Variants in RALGAPA2 observed in about 807,000 individuals in gnomAD.
The protein encoded by RALGAPA2 is Ral GTPase activating protein catalytic subunit alpha 2.
In RALGAPA2, 139 loss-of-function variants were observed where a neutral mutation model predicts 230.4. The observed-to-expected ratio is 0.60, with a 90% CI of 0.53 to 0.69. RALGAPA2 has a LOEUF of 0.69. RALGAPA2 is among the 30% of genes least tolerant of loss of function. The pLI, the probability that RALGAPA2 is intolerant of heterozygous loss-of-function variation, is 0.00. For synonymous variants in RALGAPA2, 847 were observed against 837.8 expected, an observed-to-expected ratio of 1.01 and a Z score of -0.19; for missense variants, 2,163 against 2,276.0, an observed-to-expected ratio of 0.95 and a Z score of 1.01.
At chr20:20,557,736 G>C (rs2064128234) in intron 23 of RALGAPA2, among the ~76,000 whole-genome samples, 1 of 152,136 alleles carries the variant, frequency 6.6e-6, no homozygotes, top group Non-Finnish European at 1.5e-5. Flanking sequence ...CTGAATTTGG[G>C]TAACAAAGGT....
At chr20:20,574,946 G>A (rs2064772294) in intron 20 of RALGAPA2, among the ~76,000 whole-genome samples, 1 of 152,110 alleles carries the variant, frequency 6.6e-6, no homozygotes, top group Admixed American at 6.6e-5. Context: ...GCTTGAGTAG[G>A]CCACCAAAGA....
chr20:20,401,410 C>T (rs973733565), intron 38 of RALGAPA2, among the ~76,000 whole-genome samples: 1 of 152,120 alleles, frequency 6.6e-6, no homozygotes, highest in Admixed American at 6.5e-5. Context: ...CCTCACACCA[C>T]CCTCAAAGCA....
chr20:20,552,582 A>G (rs1412577182), intron 23 of RALGAPA2, among the ~76,000 whole-genome samples: 2 of 152,214 alleles, frequency 1.3e-5, no homozygotes, highest in Non-Finnish European at 2.9e-5. Flanking sequence ...GATTCATTCT[A>G]TACTTGGATA....
At chr20:20,710,668 G>A (rs1175040101) in intron 1 of RALGAPA2, among the ~76,000 whole-genome samples, 1 of 152,206 alleles carries the variant, frequency 6.6e-6, no homozygotes, top group African/African-American at 2.4e-5. Flanking sequence ...CTACACCTTA[G>A]AGTGAAACTA....
At chr20:20,455,892 T>C (rs894631945) in intron 37 of RALGAPA2, among the ~76,000 whole-genome samples, 5 of 152,176 alleles carry the variant, frequency 3.3e-5, no homozygotes, top group African/African-American at 1.2e-4. Context: ...AATACAATTA[T>C]GAGGTACATC....
intron 37 of RALGAPA2, among the ~76,000 whole-genome samples, chr20:20,451,659 C>T (rs1423058505): frequency 6.6e-6 from 1 of 152,186 alleles, no homozygotes; most frequent in Non-Finnish European, 1.5e-5. Context: ...TGTGTAAATG[C>T]AAATAACTGC....
intron 31 of RALGAPA2, among the ~76,000 whole-genome samples, chr20:20,519,871 CTTTAA>C (rs932474784): frequency 6.6e-6 from 1 of 151,950 alleles, no homozygotes; most frequent in African/African-American, 2.4e-5. Flanking sequence ...ACCTACATCT[CTTTAA>C]TTTTTTTTTT....
At chr20:20,660,871 TGTTGAACAAA>T (rs942712148) in intron 3 of RALGAPA2, among the ~76,000 whole-genome samples, 3 of 152,146 alleles carry the variant, frequency 2.0e-5, no homozygotes, top group African/African-American at 7.2e-5. Flanking sequence ...ACACCAGTCT[TGTTGAACAAA>T]GGTTATTATG....
At chr20:20,644,176 C>G (rs532064947) in intron 4 of RALGAPA2, among the ~76,000 whole-genome samples, 1 of 152,152 alleles carries the variant, frequency 6.6e-6, no homozygotes, top group South Asian at 2.1e-4. Flanking sequence ...GATGGCAACC[C>G]CACCTAAATA....
intron 38 of RALGAPA2, among the ~76,000 whole-genome samples, chr20:20,401,377 C>T (rs2059833099): frequency 6.6e-6 from 1 of 152,174 alleles, no homozygotes; most frequent in African/African-American, 2.4e-5. Context: ...ACCAGCACCT[C>T]TCCTGCTGTG....
intron 37 of RALGAPA2, among the ~76,000 whole-genome samples, chr20:20,445,962 T>C (rs2060851839): frequency 6.6e-6 from 1 of 152,230 alleles, no homozygotes; most frequent in Admixed American, 6.5e-5. Context: ...AACATTTTTT[T>C]TTTTAATGAC....
intron 36 of RALGAPA2, among the ~76,000 whole-genome samples, chr20:20,486,582 T>G (rs182552649): frequency 0.011 from 1,640 of 152,262 alleles, 16 homozygotes; most frequent in South Asian, 0.058. Flanking sequence ...GTATAGACAT[T>G]TTGATATTTA....
Position 20,629,444 on chromosome 20 carries a change from G to A in RALGAPA2, c.1152C>T (p.His384=). ...GCTGTACCATTTCATACACCATTCG[G>A]TGCTCTTCTTCAATGCTACAGAGGC... ...NSSLCSIEEE[H]RMVYEMVQRI... The change falls in exon 10 of 40, where the codon CAC becomes CAT. Residue 384 remains histidine (H), a synonymous_variant. Coordinates refer to ENST00000202677, the MANE Select transcript of RALGAPA2 (RefSeq NM_020343.4). The A allele has an allele frequency of 2.5e-6, 4 of 1,613,810 alleles. No individual in the cohort carries two copies. The highest frequency in any genetic ancestry group is 2.2e-5 in the South Asian group (2 of 91,072).
At chr20:20,493,294 T>C (rs921602782) in intron 36 of RALGAPA2, among the ~76,000 whole-genome samples, 5 of 152,240 alleles carry the variant, frequency 3.3e-5, no homozygotes, top group African/African-American at 1.2e-4. Flanking sequence ...GTTTGTACTT[T>C]AAATGTAAGG....
intron 30 of RALGAPA2, 128 bp from the exon 31 acceptor site, chr20:20,521,228 C>G: frequency 1.5e-6 from 1 of 676,864 alleles, no homozygotes; most frequent in Non-Finnish European, 2.4e-6. Context: ...GGAATGACCA[C>G]TCTTAAATAT....
intron 37 of RALGAPA2, among the ~76,000 whole-genome samples, chr20:20,464,659 A>C (rs1174298624): frequency 6.6e-6 from 1 of 152,242 alleles, no homozygotes; most frequent in African/African-American, 2.4e-5. Context: ...AGTGATCTCA[A>C]TAAGATTCTG....
chr20:20,672,456 A>C (rs776462033), intron 3 of RALGAPA2, among the ~76,000 whole-genome samples: 2 of 152,252 alleles, frequency 1.3e-5, no homozygotes, highest in African/African-American at 2.4e-5. Context: ...ATCAAGAGAC[A>C]ATCGAAAGCA....
In RALGAPA2 at chr20:20,583,012, T is replaced by G. The variant is rs78088390; in HGVS notation, c.2707+38A>C. 2,123 of 1,590,876 alleles carry G rather than the reference T, an allele frequency of 1.3e-3. 34 individuals are homozygous for G. The African/African-American group carries it at 0.025, about 19-fold the overall frequency. On this transcript the variant is annotated intron_variant, in intron 20 of 39. Coordinates refer to ENST00000202677, the MANE Select transcript of RALGAPA2 (RefSeq NM_020343.4). ...AATGATTCACAACTGATCTCCCAGC[T>G]GTTTGCATTAGTGCCTCTTTTTCAA...
At chr20:20,502,165 T>C (rs564035247) in intron 35 of RALGAPA2, among the ~76,000 whole-genome samples, 2 of 152,324 alleles carry the variant, frequency 1.3e-5, no homozygotes, top group East Asian at 1.9e-4. Context: ...GCCACAAATA[T>C]CCAATTTGTA....
Sources: gnomAD v4.1 joint callset for allele counts (sites outside exome capture counted in the v4.1 genomes callset) on GRCh38, gnomAD v4.1.1 for gene constraint, MANE v1.5 for transcripts, NCBI Gene and HGNC (gene_info 2026-07-23, HGNC 2026-07-21) for gene names.